GALNT18: variants seen among roughly 807,000 people sequenced by gnomAD.
GALNT18 encodes the protein GalNAc-transferase 18.
A neutral mutation model predicts 69.5 loss-of-function variants in GALNT18; 44 were observed. The ratio of observed to expected loss-of-function variants is 0.63; its 90% CI spans 0.50 to 0.81. The LOEUF is 0.81. Among genes scored for constraint, GALNT18 ranks in the 40% least tolerant of loss-of-function variants. The pLI is 0.00. For missense variants in GALNT18, 715 were observed against 810.0 expected, an observed-to-expected ratio of 0.88 and a Z score of 1.42; for synonymous variants, 364 against 318.2, an observed-to-expected ratio of 1.14 and a Z score of -1.53.
At chr11:11,599,866 C>T (rs1353001145) in intron 1 of GALNT18, among the ~76,000 whole-genome samples, 2 of 151,944 alleles carry the variant, frequency 1.3e-5, no homozygotes, top group African/African-American at 4.8e-5. Context: ...ATCAAGTTAA[C>T]ATACTCATCA....
chr11:11,569,247 G>GGAA (rs1858726801), intron 1 of GALNT18, among the ~76,000 whole-genome samples: 4 of 136,162 alleles, frequency 2.9e-5, no homozygotes, highest in Admixed American at 2.2e-4. Context: ...AGGCTGAAGG[G>GGAA]AAAAAAAAAA....
chr11:11,394,888 T>G (rs1589966175), intron 3 of GALNT18, among the ~76,000 whole-genome samples: 1 of 152,202 alleles, frequency 6.6e-6, no homozygotes, highest in South Asian at 2.1e-4. Context: ...CCAGGCCTGA[T>G]GCTCTCACCA....
intron 3 of GALNT18, among the ~76,000 whole-genome samples, chr11:11,407,522 G>A (rs11021834): frequency 0.33 from 49,677 of 152,072 alleles, 8,397 homozygotes; most frequent in Non-Finnish European, 0.36. Context: ...CTGGGCTTCA[G>A]CCCCATTTAT....
rs1211316793 is a variant in GALNT18, at chr11:11,341,054, C to G, written c.1093-50G>C. On this transcript the variant is annotated intron_variant, in intron 6 of 10. Transcript: ENST00000227756. This position sits in a 1 kb window ranked among gnomAD's most constrained non-coding sequence, Gnocchi z 6.3. ...TCAGAGCCTGCCTGGCTCTGCCTTT[C>G]TACACCAGGCCTCAGGCAGCCACTT... is the stretch of plus-strand genomic sequence containing the variant. The G allele has an allele frequency of 3.9e-6, 6 of 1,530,036 alleles. No homozygotes were observed. The highest frequency in any genetic ancestry group is 5.3e-6 in the Non-Finnish European group (6 of 1,133,004). The allele number at this position is 1,530,036 out of a possible 1,614,324, so 94.8% of individuals were successfully genotyped here.
At chr11:11,278,872 A>G (rs1428877249) in intron 10 of GALNT18, among the ~76,000 whole-genome samples, 2 of 152,344 alleles carry the variant, frequency 1.3e-5, no homozygotes, top group East Asian at 3.9e-4. Flanking sequence ...TCTAACACAG[A>G]AATGATAAAT....
At chr11:11,334,412 G>A (rs555559984) in intron 7 of GALNT18, among the ~76,000 whole-genome samples, 7 of 151,992 alleles carry the variant, frequency 4.6e-5, no homozygotes, top group South Asian at 4.2e-4. Context: ...GCATGGTGGC[G>A]GGCGCCTGTA....
At position 11,540,185 on chromosome 11, in the gene GALNT18, A is replaced by C. The variant is rs1439045244; in HGVS notation, c.235+81174T>G. ...GTTCTAAAACCTCTTCTCACCTCCA[A>C]GTCAACATTTTCAAAACAGAGATAG... On this transcript the variant is annotated intron_variant, in intron 1 of 10. Coordinates refer to ENST00000227756, the MANE Select transcript of GALNT18 (RefSeq NM_198516.3). The surrounding 1 kb of genome is among the most constrained non-coding windows in gnomAD (Gnocchi z 4.6). Among the ~76,000 whole-genome samples the C allele has an allele frequency of 6.6e-6, 1 of 152,214 alleles. No homozygotes were observed. The highest frequency in any genetic ancestry group is 1.5e-5 in the Non-Finnish European group (1 of 68,042).
rs932752788 is a variant in GALNT18 at position 11,356,634 on chromosome 11, G to T, written c.1093-15630C>A. 6.6e-6 allele frequency among the ~76,000 whole-genome samples: 1 copy of T among 151,994 alleles called. No individual in the cohort carries two copies. The highest frequency in any genetic ancestry group is 2.4e-5 in the African/African-American group (1 of 41,392). On this transcript the variant is annotated intron_variant, in intron 6 of 10. Transcript: ENST00000227756. This position sits in a 1 kb window ranked among gnomAD's most constrained non-coding sequence, Gnocchi z 4.4. Reference sequence around the variant, plus strand: ...CCCCTTCATCCAAACTTTTTAAGAAGGTAAAAATTTCCTTCAGGTTGACTC... The same window carrying T: ...CCCCTTCATCCAAACTTTTTAAGAATGTAAAAATTTCCTTCAGGTTGACTC...
intron 1 of GALNT18, among the ~76,000 whole-genome samples, chr11:11,585,557 T>G (rs564790112): frequency 6.6e-6 from 1 of 152,066 alleles, no homozygotes; most frequent in Admixed American, 6.5e-5. Flanking sequence ...GTTTCTTCCA[T>G]GTTGGTCAGG....
At chr11:11,336,249 A>T (rs1290596732) in intron 7 of GALNT18, among the ~76,000 whole-genome samples, 1 of 152,206 alleles carries the variant, frequency 6.6e-6, no homozygotes, top group Non-Finnish European at 1.5e-5. Flanking sequence ...TTAAAGTAGC[A>T]GGATGCAAGA....
chr11:11,349,617 T>C (rs1042731181), intron 6 of GALNT18, among the ~76,000 whole-genome samples: 6 of 152,180 alleles, frequency 3.9e-5, no homozygotes, highest in African/African-American at 1.4e-4. Context: ...GTCAACTTTG[T>C]CCTCACCAAG....
chr11:11,462,860 G>T (rs887240116), intron 1 of GALNT18, among the ~76,000 whole-genome samples: 1 of 152,152 alleles, frequency 6.6e-6, no homozygotes, highest in East Asian at 1.9e-4. Context: ...CCACCCGGGA[G>T]GGGTCCTGCA....
chr11:11,278,975 C>A (rs958318323), intron 10 of GALNT18, among the ~76,000 whole-genome samples: 4 of 152,132 alleles, frequency 2.6e-5, no homozygotes, highest in South Asian at 2.1e-4. Flanking sequence ...TAAATATATT[C>A]AACTATTATG....
intron 3 of GALNT18, among the ~76,000 whole-genome samples, chr11:11,431,969 A>G (rs1475876709): frequency 6.6e-6 from 1 of 152,218 alleles, no homozygotes; most frequent in African/African-American, 2.4e-5. Flanking sequence ...AGACCAAGAA[A>G]TGTACACCAG....
intron 9 of GALNT18, among the ~76,000 whole-genome samples, chr11:11,326,851 A>G (rs927955149): frequency 2.0e-5 from 3 of 152,172 alleles, no homozygotes; most frequent in African/African-American, 7.2e-5. Context: ...ATCATCCTGG[A>G]GGATCCTGGA....
intron 6 of GALNT18, among the ~76,000 whole-genome samples, chr11:11,358,859 A>ACACACACACACACG (rs1554921791): frequency 0.012 from 1,565 of 130,034 alleles, 167 homozygotes; most frequent in African/African-American, 0.041. Context: ...ACACACACAC[A>ACACACACACACACG]CACGCACAGA....
chr11:11,377,126 C>CT lies in GALNT18; in HGVS notation c.977+55_977+56insA. ...GGAGAATAAGCATTGGACCAGTAGG[C>CT]GGTCCCTAGCCTGGAGGTCAAAGCG... On this transcript the variant is annotated intron_variant, in intron 5 of 10. Coordinates refer to ENST00000227756, the MANE Select transcript of GALNT18 (RefSeq NM_198516.3). The surrounding 1 kb of genome is among the most constrained non-coding windows in gnomAD (Gnocchi z 4.6). 1 of 1,518,868 alleles carries CT rather than the reference C, an allele frequency of 6.6e-7. No homozygotes were observed. The highest frequency in any genetic ancestry group is 9.1e-7 in the Non-Finnish European group (1 of 1,099,076). 94.1% of individuals were successfully genotyped at this position (1,518,868 alleles called of 1,614,324 possible).
intron 1 of GALNT18, among the ~76,000 whole-genome samples, chr11:11,537,836 A>G (rs934715867): frequency 6.6e-6 from 1 of 152,184 alleles, no homozygotes; most frequent in Non-Finnish European, 1.5e-5. Context: ...CGAAGTTTGG[A>G]ATTCTCTGCC....
intron 9 of GALNT18, among the ~76,000 whole-genome samples, chr11:11,316,967 T>C (rs1849767566): frequency 6.6e-6 from 1 of 152,154 alleles, no homozygotes; most frequent in South Asian, 2.1e-4. Context: ...AATGAGCAAA[T>C]GAATGAGTGA....
Sources: allele counts gnomAD v4.1 joint callset (sites outside exome capture counted in the v4.1 genomes callset), GRCh38; gene constraint gnomAD v4.1.1; non-coding constraint Gnocchi (gnomAD v3.1); transcripts MANE v1.5; gene names NCBI Gene and HGNC (gene_info 2026-07-23, HGNC 2026-07-21).